LOXHD1: variants seen among roughly 807,000 people sequenced by gnomAD.
The protein encoded by LOXHD1 is lipoxygenase homology domain-containing protein 1.
In LOXHD1, 205 loss-of-function variants were observed where a neutral mutation model predicts 248.2. That is an observed-to-expected ratio of 0.83 (90% CI 0.74 to 0.93). The LOEUF (loss-of-function observed/expected upper bound fraction) is 0.93, where lower values mean the gene tolerates loss of function less well. LOXHD1 is among the 40% of genes least tolerant of loss of function. LOXHD1 has a pLI of 0.00. For synonymous variants in LOXHD1, 1,113 were observed against 1,162.8 expected (o/e 0.96, Z 0.87); for missense variants, 2,930 against 2,971.6 (o/e 0.99, Z 0.33).
intron 33 of LOXHD1, 39 bp downstream of exon 33, chr18:46,521,058 C>T (rs1250960092): frequency 2.6e-6 from 4 of 1,543,438 alleles, no homozygotes; most frequent in Non-Finnish European, 2.6e-6. Context: ...ACCTGCACTG[C>T]CCTGGCCATG....
At chr18:46,549,946 C>T (rs2037017137) in intron 21 of LOXHD1, among the ~76,000 whole-genome samples, 1 of 152,174 alleles carries the variant, frequency 6.6e-6, no homozygotes, top group Admixed American at 6.5e-5. Context: ...GCATTTGCCT[C>T]TTTGTCTTTG....
At chr18:46,622,414 CAT>C (rs1331914831) in intron 4 of LOXHD1, among the ~76,000 whole-genome samples, 1 of 152,160 alleles carries the variant, frequency 6.6e-6, no homozygotes, top group Non-Finnish European at 1.5e-5. Flanking sequence ...GTTTAAAAAA[CAT>C]AGAAACCATT....
At position 46,649,170 on chromosome 18, in the gene LOXHD1, A is replaced by AG. The variant is rs2144399576; in HGVS notation, c.229dup (p.Leu77ProfsTer12). 1.9e-6 allele frequency: 3 copies of AG among 1,551,664 alleles called. No homozygotes were observed. Among genetic ancestry groups the AG allele is most frequent in the Non-Finnish European group, 2.6e-6 (3 of 1,146,966 alleles). ...GGGTACTCACTTGCTGGTGAGCTGG[A>AG]GCTTGGGAGAGAGCCCATTCTCTCC... On this transcript the variant is annotated frameshift_variant, in exon 2 of 41. Transcript: ENST00000642948. LOFTEE classifies it high-confidence loss of function.
chr18:46,540,060 A>G (rs1460431138), intron 25 of LOXHD1, among the ~76,000 whole-genome samples: 1 of 152,216 alleles, frequency 6.6e-6, no homozygotes. Flanking sequence ...CTCTGTACTG[A>G]GCATGCTATG....
At chr18:46,588,489 T>C (rs328156) in intron 12 of LOXHD1, among the ~76,000 whole-genome samples, 16,833 of 152,232 alleles carry the variant, frequency 0.11, 1,162 homozygotes, top group Middle Eastern at 0.17. Flanking sequence ...TACGAGCACA[T>C]TTTATACATG....
intron 5 of LOXHD1, among the ~76,000 whole-genome samples, chr18:46,616,221 T>A (rs1415277663): frequency 6.6e-6 from 1 of 152,232 alleles, no homozygotes; most frequent in Non-Finnish European, 1.5e-5. Flanking sequence ...TTTCTTCATT[T>A]CCTTCCTTCG....
chr18:46,555,725 G>A (rs1471136031), intron 21 of LOXHD1, among the ~76,000 whole-genome samples: 1 of 152,006 alleles, frequency 6.6e-6, no homozygotes, highest in Non-Finnish European at 1.5e-5. Context: ...TCTTGCCCTT[G>A]GGCCCCTTAC....
chr18:46,566,595 C>T (rs2037647702), intron 16 of LOXHD1, 146 bp from the exon 17 acceptor site: 2 of 727,574 alleles, frequency 2.7e-6, no homozygotes, highest in South Asian at 1.8e-5. Context: ...AAGCTGGAAT[C>T]CCATTCCTGC....
intron 9 of LOXHD1, 150 bp downstream of exon 9, chr18:46,594,181 C>A: frequency 2.0e-6 from 2 of 987,712 alleles, no homozygotes; most frequent in East Asian, 2.6e-5. Context: ...AGCTGCTTGG[C>A]GGGGTTGGGG....
intron 23 of LOXHD1, 52 bp downstream of exon 23, chr18:46,545,265 G>T (rs1174287998): frequency 6.7e-6 from 9 of 1,342,414 alleles, no homozygotes; most frequent in Non-Finnish European, 9.4e-6. Context: ...GAGTCTTCTG[G>T]TCTCCCTGGG....
intron 8 of LOXHD1, among the ~76,000 whole-genome samples, chr18:46,600,129 A>T (rs1161737280): frequency 6.6e-6 from 1 of 152,226 alleles, no homozygotes. Context: ...ACTTCATGGC[A>T]GGATTGCTCA....
intron 12 of LOXHD1, among the ~76,000 whole-genome samples, chr18:46,587,569 T>C (rs894097959): frequency 1.3e-5 from 2 of 152,180 alleles, no homozygotes; most frequent in South Asian, 2.1e-4. Context: ...TGGCAAGAAG[T>C]CTGTGGACAA....
chr18:46,541,241 C>CT lies in LOXHD1; in HGVS notation c.3913+534dup, dbSNP rs546551181. On this transcript the variant is annotated intron_variant, in intron 25 of 40. Coordinates refer to ENST00000642948, the MANE Select transcript of LOXHD1 (RefSeq NM_001384474.1). ...AGCTAGAAAAGGGAATTACATTCAC[C>CT]TTTTTTTTGAATTCTGGGTCTAGCA... 4.9e-4 allele frequency among the ~76,000 whole-genome samples: 75 copies of CT among 151,958 alleles called. 1 individual carries two copies. The South Asian group carries it at 5.6e-3, about 11-fold the overall frequency.
At chr18:46,616,391 G>C (rs1007946554) in intron 5 of LOXHD1, among the ~76,000 whole-genome samples, 2 of 152,026 alleles carry the variant, frequency 1.3e-5, no homozygotes, top group African/African-American at 2.4e-5. Flanking sequence ...GATCAGCAGG[G>C]GCCAAGACCC....
At chr18:46,528,900 T>A (rs2035938816) in intron 29 of LOXHD1, among the ~76,000 whole-genome samples, 1 of 152,030 alleles carries the variant, frequency 6.6e-6, no homozygotes, top group African/African-American at 2.4e-5. Context: ...CCCAGCCCCA[T>A]CCAGCCAACA....
At chr18:46,631,314 C>T (rs1390525042) in intron 4 of LOXHD1, among the ~76,000 whole-genome samples, 1 of 152,144 alleles carries the variant, frequency 6.6e-6, no homozygotes. Context: ...CTACAACCCC[C>T]CCACCACCAT....
chr18:46,618,309 A>G lies in LOXHD1; in HGVS notation c.512-19T>C. On this transcript the variant is annotated intron_variant, in intron 4 of 40. Transcript: ENST00000642948. ...TTATTACCTAGGAACAAGGAGAGAG[A>G]AAAACCTTAGCTCATCAGGATCCTG... is the stretch of plus-strand genomic sequence containing the variant. The G allele has an allele frequency of 6.6e-7, 1 of 1,517,928 alleles. No homozygotes were observed. Among genetic ancestry groups the G allele is most frequent in the Middle Eastern group, 1.7e-4 (1 of 5,924 alleles). 94.0% of individuals were successfully genotyped at this position (1,517,928 alleles called of 1,614,324 possible). A position where few individuals can be genotyped will look rare whatever the true frequency, so the allele number is the denominator to read the frequency against.
At chr18:46,604,077 A>C in intron 7 of LOXHD1, 29 bp downstream of exon 7, 1 of 1,551,444 alleles carries the variant, frequency 6.4e-7, no homozygotes, top group Non-Finnish European at 8.7e-7. Context: ...TGAAATACCC[A>C]AAAGAGCCTC....
chr18:46,560,342 G>C lies in LOXHD1; in HGVS notation c.2802C>G (p.Ala934=), dbSNP rs1277971631. ...RQLLKKERLK[A]KLQRKKKKRK... ...TCTTCTTCTTCTTCCTCTGCAGCTT[G>C]GCCTTCAGCCGCTCCTTCTTGAGCA... The change falls in exon 19 of 41, where the codon GCC becomes GCG. Residue 934 remains alanine, a synonymous_variant. Transcript: ENST00000642948. 4.5e-6 allele frequency: 7 copies of C among 1,552,122 alleles called. No individual in the cohort carries two copies. The East Asian group carries it at 1.7e-4, about 38-fold the overall frequency.
Sources: gnomAD v4.1 joint callset for allele counts (sites outside exome capture counted in the v4.1 genomes callset) on GRCh38, gnomAD v4.1.1 for gene constraint, MANE v1.5 for transcripts, NCBI Gene and HGNC (gene_info 2026-07-23, HGNC 2026-07-21) for gene names.